Variants in NF1 observed in about 807,000 individuals in gnomAD.
The protein encoded by NF1 is neurofibromin.
NF1 carries 122 observed loss-of-function variants against 325.7 expected under a neutral mutation model. The ratio of observed to expected loss-of-function variants is 0.37; its 90% CI spans 0.32 to 0.44. The LOEUF (loss-of-function observed/expected upper bound fraction) is 0.44. NF1 is among the 20% of genes least tolerant of loss of function. The pLI, the probability that NF1 is intolerant of heterozygous loss-of-function variation, is 1.00. For missense variants in NF1, 2,140 were observed against 3,415.4 expected (o/e 0.63, Z 9.31); for synonymous variants, 1,091 against 1,186.0 (o/e 0.92, Z 1.65).
At chr17:31,222,998 CAT>C (rs1282343806) in intron 15 of NF1, among the ~76,000 whole-genome samples, 2 of 152,272 alleles carry the variant, frequency 1.3e-5, no homozygotes, top group East Asian at 3.9e-4. Flanking sequence ...TGGCCACAGA[CAT>C]GTGAATGAAC....
At chr17:31,232,014 A>G (rs2067119480) in intron 24 of NF1, 59 bp from the exon 25 acceptor site, 1 of 1,031,012 alleles carries the variant, frequency 9.7e-7, no homozygotes. Context: ...AGGGGAAGTG[A>G]AAGAACTTGA....
intron 11 of NF1, among the ~76,000 whole-genome samples, chr17:31,204,681 A>G (rs1192541450): frequency 6.6e-6 from 1 of 152,056 alleles, no homozygotes; most frequent in African/African-American, 2.4e-5. Flanking sequence ...AAAAGCTATT[A>G]AAAAAAGACA....
At chr17:31,315,505 C>A (rs937164092) in intron 36 of NF1, among the ~76,000 whole-genome samples, 4 of 152,152 alleles carry the variant, frequency 2.6e-5, no homozygotes, top group Non-Finnish European at 5.9e-5. Context: ...ATCAAAACAT[C>A]TCATTACCCT....
chr17:31,162,709 A>G (rs550461499), intron 3 of NF1, among the ~76,000 whole-genome samples: 1 of 152,366 alleles, frequency 6.6e-6, no homozygotes, highest in South Asian at 2.1e-4. Context: ...GATTTCAACC[A>G]AAATAAAATT....
At chr17:31,114,560 GAAAA>G (rs1183035433) in intron 1 of NF1, among the ~76,000 whole-genome samples, 2 of 142,296 alleles carry the variant, frequency 1.4e-5, no homozygotes, top group African/African-American at 5.5e-5. Context: ...AAAAAAAAAA[GAAAA>G]AAAGACCATG....
chr17:31,166,102 A>G (rs1176898631), intron 4 of NF1, among the ~76,000 whole-genome samples: 3 of 152,170 alleles, frequency 2.0e-5, no homozygotes, highest in Non-Finnish European at 2.9e-5. Flanking sequence ...TTACTCCACA[A>G]ATGCAGTTGA....
rs749010787 is a variant in NF1 at position 31,326,228 on chromosome 17, C to G, written c.5244C>G (p.His1748Gln). 26 of 1,610,280 alleles carry G rather than the reference C, an allele frequency of 1.6e-5. No homozygotes were observed. The highest frequency in any genetic ancestry group is 2.0e-5 in the Non-Finnish European group (24 of 1,179,972). Residue 1748 changes from histidine (H) to glutamine (Q), a missense_variant, in exon 37 of 58, where the codon CAC (histidine) becomes CAG (glutamine). By Grantham distance (24) the His-to-Gln change is conservative. Transcript: ENST00000358273. Reference sequence around the variant, plus strand: ...TCCACAATGCTCTCAAGCTAGCTCACAAAGACACCAAAGTTTCTATTAAAG... The same window carrying G: ...TCCACAATGCTCTCAAGCTAGCTCAGAAAGACACCAAAGTTTCTATTAAAG... ...KVFHNALKLA[H>Q]KDTKVSIKVG... is the part of the protein sequence containing the mutation.
chr17:31,131,453 T>C (rs937592081), intron 1 of NF1, among the ~76,000 whole-genome samples: 3 of 152,156 alleles, frequency 2.0e-5, no homozygotes, highest in African/African-American at 7.2e-5. Context: ...GTTCCTTACT[T>C]CTTCCCTCGT....
rs767159555 is a variant in NF1 at position 31,229,212 on chromosome 17, C to T, written c.2597C>T (p.Pro866Leu). The T allele has an allele frequency of 1.1e-5, 18 of 1,611,936 alleles. No individual in the cohort carries two copies. Among genetic ancestry groups the T allele is most frequent in the Non-Finnish European group, 1.4e-5 (17 of 1,179,840 alleles). The change falls in exon 21 of 58, where the codon CCC (proline) becomes CTC (leucine). Residue 866 changes from proline (P) to leucine (L), a missense_variant. By Grantham distance (98) the Pro-to-Leu change is moderately conservative (BLOSUM62 -3). This residue lies in a region of NF1 where 380 missense variants were observed against 639.3 expected (regional missense o/e 0.59). Transcript: ENST00000358273. ...TCTGGCCTGGCAACCTATAGCCCACCCATGGGTCCAGTCAGTGAACGTAAG... is the reference window on the plus strand; with the variant it reads ...TCTGGCCTGGCAACCTATAGCCCACTCATGGGTCCAGTCAGTGAACGTAAG... Reference protein sequence around the residue: ...SNSGLATYSPPMGPVSERKGS... With the variant: ...SNSGLATYSPLMGPVSERKGS...
chr17:31,121,673 T>G (rs1280198346), intron 1 of NF1, among the ~76,000 whole-genome samples: 1 of 152,196 alleles, frequency 6.6e-6, no homozygotes, highest in Admixed American at 6.5e-5. Context: ...CTTCATCTAT[T>G]GAGATAATCG....
rs541215097 is a variant in NF1 at position 31,208,277 on chromosome 17, T to C, written c.1392+1906T>C. 4.6e-5 allele frequency among the ~76,000 whole-genome samples: 7 copies of C among 152,346 alleles called. No homozygotes were observed. The South Asian group carries it at 1.4e-3, about 32-fold the overall frequency. On this transcript the variant is annotated intron_variant, in intron 12 of 57. Transcript: ENST00000358273. ...GTTTATGTTTTTGAAATGTTATATG[T>C]ATGTATATTTGTACATAATGACTAA...
chr17:31,230,725 T>C (rs1376695302), intron 23 of NF1, 117 bp from the exon 24 acceptor site: 5 of 822,384 alleles, frequency 6.1e-6, no homozygotes, highest in Non-Finnish European at 2.0e-6. Flanking sequence ...AAAGTCGTCA[T>C]GTCACTTAGG....
intron 1 of NF1, among the ~76,000 whole-genome samples, chr17:31,100,426 T>C (rs1055836007): frequency 1.3e-5 from 2 of 152,136 alleles, no homozygotes; most frequent in Admixed American, 1.3e-4. Context: ...TGAGTACTCT[T>C]TTATGGTGAC....
intron 8 of NF1, among the ~76,000 whole-genome samples, chr17:31,199,442 G>T (rs1273879068): frequency 2.0e-5 from 3 of 152,038 alleles, no homozygotes; most frequent in African/African-American, 7.2e-5. Context: ...TACTTTGTAT[G>T]ATTTCAGTTT....
intron 48 of NF1, chr17:31,345,623 C>T: frequency 1.2e-6 from 2 of 1,611,308 alleles, no homozygotes; most frequent in Non-Finnish European, 1.7e-6. Flanking sequence ...AGCATCTCTC[C>T]AGCGGCCACT....
intron 36 of NF1, among the ~76,000 whole-genome samples, chr17:31,310,211 A>G (rs759877763): frequency 8.5e-5 from 13 of 152,150 alleles, no homozygotes; most frequent in Non-Finnish European, 1.2e-4. Context: ...TAAAAAGGAG[A>G]TTTAGAATAA....
At chr17:31,132,803 A>C (rs1219857970) in intron 1 of NF1, among the ~76,000 whole-genome samples, 1 of 151,950 alleles carries the variant, frequency 6.6e-6, no homozygotes, top group Non-Finnish European at 1.5e-5. Flanking sequence ...AGTAGCTGGG[A>C]TTACAGGCGC....
rs866828026 is a variant in NF1, at chr17:31,181,666, A to G, written c.655-44A>G. On this transcript the variant is annotated intron_variant, in intron 6 of 57. Transcript: ENST00000358273. ...AAGTTTGTGACATTTTATTTACTGT[A>G]TTACAAAAAATCACTGTAAAGACAT... 4.9e-6 allele frequency: 7 copies of G among 1,427,514 alleles called. No individual in the cohort carries two copies. In the Middle Eastern group the frequency reaches 9.1e-4, roughly 186 times the overall value. The allele number at this position is 1,427,514 out of a possible 1,614,324, so 88.4% of individuals were successfully genotyped here.
intron 46 of NF1, among the ~76,000 whole-genome samples, chr17:31,339,406 C>A (rs1229603180): frequency 6.6e-6 from 1 of 152,058 alleles, no homozygotes; most frequent in Non-Finnish European, 1.5e-5. Context: ...ATCTGGAAAT[C>A]ATGTTTTTGT....
Sources: allele counts gnomAD v4.1 joint callset (sites outside exome capture counted in the v4.1 genomes callset), GRCh38; gene constraint gnomAD v4.1.1; regional missense constraint gnomAD v4.1.1; transcripts MANE v1.5; gene names NCBI Gene and HGNC (gene_info 2026-07-23, HGNC 2026-07-21).